The following ARHGEF3 variants were observed in gnomAD, a reference collection of about 807,000 sequenced individuals.
ARHGEF3 encodes 59.8 kDA protein.
In ARHGEF3, 28 loss-of-function variants were observed where a neutral mutation model predicts 63.2. That is an observed-to-expected ratio of 0.44 (90% confidence interval 0.33 to 0.61). ARHGEF3 has a LOEUF of 0.61. ARHGEF3 is among the 20% of genes least tolerant of loss of function. ARHGEF3 has a pLI of 0.03. For synonymous variants in ARHGEF3, 266 were observed against 254.2 expected, an observed-to-expected ratio of 1.05 and a Z score of -0.44; for missense variants, 533 against 659.3, an observed-to-expected ratio of 0.81 and a Z score of 2.10.
intron 1 of ARHGEF3, among the ~76,000 whole-genome samples, chr3:56,778,668 G>A (rs2036399406): frequency 6.6e-6 from 1 of 151,944 alleles, no homozygotes; most frequent in Non-Finnish European, 1.5e-5. Flanking sequence ...CAAGAAACTG[G>A]GACTACAGGT....
intron 4 of ARHGEF3, among the ~76,000 whole-genome samples, chr3:56,875,241 A>T (rs190452866): frequency 6.6e-6 from 1 of 152,196 alleles, no homozygotes; most frequent in Non-Finnish European, 1.5e-5. Flanking sequence ...GTTGCTATGT[A>T]TCTAATGAGT....
At chr3:56,824,074 G>A (rs2038624172) in intron 4 of ARHGEF3, among the ~76,000 whole-genome samples, 1 of 151,444 alleles carries the variant, frequency 6.6e-6, no homozygotes, top group South Asian at 2.1e-4. Context: ...GCAAACTTTT[G>A]TCAAAGATTA....
intron 4 of ARHGEF3, among the ~76,000 whole-genome samples, chr3:56,846,991 C>T (rs2039513515): frequency 6.6e-6 from 1 of 152,166 alleles, no homozygotes; most frequent in Non-Finnish European, 1.5e-5. Context: ...ATGCCCAGTG[C>T]CCAGCACTTA....
intron 1 of ARHGEF3, among the ~76,000 whole-genome samples, chr3:56,774,848 C>T (rs984470402): frequency 5.3e-5 from 8 of 151,844 alleles, no homozygotes; most frequent in Admixed American, 6.6e-5. Context: ...GCCGAGATTG[C>T]GCCACTGCAC....
chr3:57,002,479 T>TTATATATATATATATATATATG (rs1159985048), intron 2 of ARHGEF3, among the ~76,000 whole-genome samples: 1 of 39,472 alleles, frequency 2.5e-5, no homozygotes, highest in Non-Finnish European at 4.1e-5. Context: ...TATATATATG[T>TTATATATATATATATATATATG]TATATATATA....
chr3:56,890,281 A>T (rs1228867588), intron 3 of ARHGEF3, among the ~76,000 whole-genome samples: 1 of 152,174 alleles, frequency 6.6e-6, no homozygotes, highest in Non-Finnish European at 1.5e-5. Context: ...CTGAGCATTT[A>T]CTATGTGCCA....
chr3:56,961,887 A>T (rs1700297110), intron 2 of ARHGEF3, among the ~76,000 whole-genome samples: 1 of 152,180 alleles, frequency 6.6e-6, no homozygotes, highest in African/African-American at 2.4e-5. Context: ...CGCTAAAAAT[A>T]AAAACAAATT....
chr3:56,904,975 A>G (rs1219529098), intron 3 of ARHGEF3, among the ~76,000 whole-genome samples: 3 of 152,122 alleles, frequency 2.0e-5, no homozygotes, highest in Non-Finnish European at 4.4e-5. Flanking sequence ...TCTGCTCTTT[A>G]ATACACCGAA....
At chr3:56,821,990 G>C (rs1371393386) in intron 4 of ARHGEF3, among the ~76,000 whole-genome samples, 1 of 143,000 alleles carries the variant, frequency 7.0e-6, no homozygotes, top group Non-Finnish European at 1.5e-5. Flanking sequence ...GAAGAGAAGA[G>C]AAGAGAAGAG....
chr3:57,063,833 G>A (rs1327125349), intron 1 of ARHGEF3, among the ~76,000 whole-genome samples: 1 of 152,224 alleles, frequency 6.6e-6, no homozygotes, highest in Non-Finnish European at 1.5e-5. Context: ...TGCCTGAAAT[G>A]AGGGGCTCAA....
chr3:56,914,413 G>A (rs573376492), intron 3 of ARHGEF3, among the ~76,000 whole-genome samples: 16 of 152,258 alleles, frequency 1.1e-4, no homozygotes, highest in Admixed American at 7.2e-4. Flanking sequence ...GTATGTCACC[G>A]TTTAACAATA....
intron 1 of ARHGEF3, among the ~76,000 whole-genome samples, chr3:57,043,035 A>C (rs886116607): frequency 6.6e-6 from 1 of 150,682 alleles, no homozygotes; most frequent in East Asian, 2.0e-4. Context: ...ACACAACCTC[A>C]AAGTTATTTT....
At chr3:57,073,060 A>G (rs947405022) in intron 1 of ARHGEF3, among the ~76,000 whole-genome samples, 1 of 152,082 alleles carries the variant, frequency 6.6e-6, no homozygotes, top group African/African-American at 2.4e-5. Flanking sequence ...TAAATAAATA[A>G]AAGAAAAAAC....
intron 9 of ARHGEF3, among the ~76,000 whole-genome samples, chr3:56,731,367 C>T (rs2033143892): frequency 1.3e-5 from 2 of 151,940 alleles, no homozygotes; most frequent in Admixed American, 1.3e-4. Flanking sequence ...CTTGTCTCTA[C>T]TGAAAATACA....
At chr3:56,729,676 G>A in intron 9 of ARHGEF3, 54 bp from the exon 10 acceptor site, 2 of 1,442,350 alleles carry the variant, frequency 1.4e-6, no homozygotes, top group Middle Eastern at 1.8e-4. Context: ...CCTTCCTCAG[G>A]CCAAAGAGAA....
chr3:57,042,680 ATATATATATATATATATATATTTT>A (rs1410918580), intron 1 of ARHGEF3, among the ~76,000 whole-genome samples: 1 of 27,718 alleles, frequency 3.6e-5, no homozygotes, highest in African/African-American at 3.0e-4. Context: ...ATATATATAT[ATATATATATATATATATATATTTT>A]TTTTTTTTTT....
chr3:56,939,774 A>T (rs984626587), intron 3 of ARHGEF3: 5 of 152,230 alleles, frequency 3.3e-5, no homozygotes, highest in Admixed American at 2.0e-4. Flanking sequence ...CAGACAGGAA[A>T]AAATGGAATC....
At chr3:56,931,920 C>G (rs1367911027) in intron 3 of ARHGEF3, among the ~76,000 whole-genome samples, 1 of 152,146 alleles carries the variant, frequency 6.6e-6, no homozygotes, top group African/African-American at 2.4e-5. Flanking sequence ...GTGCTTTCCT[C>G]CCCTCTCAAA....
intron 4 of ARHGEF3, among the ~76,000 whole-genome samples, chr3:56,825,133 A>G (rs1485688187): frequency 6.6e-6 from 1 of 152,222 alleles, no homozygotes; most frequent in East Asian, 1.9e-4. Context: ...AATGGGGATG[A>G]AAAGAGTACC....
Sources: allele counts gnomAD v4.1 joint callset (sites outside exome capture counted in the v4.1 genomes callset), GRCh38; gene constraint gnomAD v4.1.1; transcripts MANE v1.5; gene names NCBI Gene and HGNC (gene_info 2026-07-23, HGNC 2026-07-21).